The following FIP1L1 variants were observed in gnomAD, a reference collection of about 807,000 sequenced individuals.
FIP1L1 encodes pre-mRNA 3'-end-processing factor FIP1.
Under a neutral mutation model 84.6 loss-of-function variants are expected in FIP1L1, and 21 were observed. The observed-to-expected ratio is 0.25, with a 90% CI of 0.18 to 0.36. FIP1L1 has a LOEUF of 0.36. Ranked by LOEUF, FIP1L1 falls within the 10% of genes least tolerant of loss-of-function variation. The pLI is 1.00. For missense variants in FIP1L1, 526 were observed against 751.1 expected, an observed-to-expected ratio of 0.70 and a Z score of 3.50; for synonymous variants, 263 against 242.3, an observed-to-expected ratio of 1.09 and a Z score of -0.80.
intron 9 of FIP1L1, among the ~76,000 whole-genome samples, chr4:53,398,843 T>G (rs2149477591): frequency 6.6e-6 from 1 of 152,166 alleles, no homozygotes; most frequent in South Asian, 2.1e-4. Flanking sequence ...AGATAGATGG[T>G]TTTAAAATTA....
intron 11 of FIP1L1, among the ~76,000 whole-genome samples, chr4:53,423,953 G>A (rs1763377874): frequency 6.6e-6 from 1 of 152,230 alleles, no homozygotes; most frequent in African/African-American, 2.4e-5. Flanking sequence ...AATGGTAAAA[G>A]ACAGGCTATA....
Position 53,390,445 on chromosome 4 carries a change from A to G in FIP1L1, c.398-76A>G, listed in dbSNP as rs1743657386. ...TGCCAGGAATAGTAAAAAGGTGTTTATATTTTCTGTTTGTCTATGGTATCG... is the reference window on the plus strand; with the variant it reads ...TGCCAGGAATAGTAAAAAGGTGTTTGTATTTTCTGTTTGTCTATGGTATCG... On this transcript the variant is annotated intron_variant, in intron 6 of 17. Transcript: ENST00000337488. The G allele has an allele frequency of 1.4e-5, 12 of 838,608 alleles. No individual in the cohort carries two copies. The South Asian group carries it at 1.8e-4, about 13-fold the overall frequency. 51.9% of individuals were successfully genotyped at this position (838,608 alleles called of 1,614,324 possible). A position where few individuals can be genotyped will look rare whatever the true frequency, so the allele number is the denominator to read the frequency against.
chr4:53,446,151 T>C (rs1774093700), intron 15 of FIP1L1, among the ~76,000 whole-genome samples: 1 of 152,130 alleles, frequency 6.6e-6, no homozygotes, highest in East Asian at 1.9e-4. Context: ...AAGATGGTAT[T>C]TATGTTGACT....
chr4:53,396,761 T>TA (rs1301574850), intron 9 of FIP1L1, among the ~76,000 whole-genome samples: 1 of 152,210 alleles, frequency 6.6e-6, no homozygotes, highest in African/African-American at 2.4e-5. Flanking sequence ...CTCATAAAAT[T>TA]AAAAAATCAT....
intron 10 of FIP1L1, among the ~76,000 whole-genome samples, chr4:53,410,269 C>G (rs1467315068): frequency 4.6e-5 from 7 of 152,246 alleles, no homozygotes; most frequent in Admixed American, 1.3e-4. Flanking sequence ...GAGGCACCCA[C>G]TTAACTGAGC....
chr4:53,384,108 A>G (rs1279248054), intron 5 of FIP1L1, among the ~76,000 whole-genome samples: 1 of 152,212 alleles, frequency 6.6e-6, no homozygotes, highest in Non-Finnish European at 1.5e-5. Flanking sequence ...AAGTGTTTTT[A>G]TAAAAGAATT....
At chr4:53,439,510 GT>G (rs550760016) in intron 13 of FIP1L1, among the ~76,000 whole-genome samples, 445 of 152,026 alleles carry the variant, frequency 2.9e-3, no homozygotes, top group Non-Finnish European at 5.6e-3. Context: ...GTTAGAATAT[GT>G]TTCCTTTGAC....
intron 13 of FIP1L1, among the ~76,000 whole-genome samples, chr4:53,439,615 T>A (rs1338736475): frequency 6.6e-6 from 1 of 152,056 alleles, no homozygotes; most frequent in Non-Finnish European, 1.5e-5. Context: ...ATGCAGTTTT[T>A]AAGATAGGAT....
chr4:53,417,209 T>C (rs1255540837), intron 11 of FIP1L1, among the ~76,000 whole-genome samples: 1 of 152,160 alleles, frequency 6.6e-6, no homozygotes, highest in Non-Finnish European at 1.5e-5. Flanking sequence ...AGCAACTCCA[T>C]CTATACCTAC....
Position 53,459,607 on chromosome 4 carries a change from A to T in FIP1L1, c.*158A>T. 9.9e-7 allele frequency: 1 copy of T among 1,010,532 alleles called. No homozygotes were observed. Among genetic ancestry groups the T allele is most frequent in the Non-Finnish European group, 1.5e-6 (1 of 676,860 alleles). The allele number at this position is 1,010,532 out of a possible 1,614,324, so 62.6% of individuals were successfully genotyped here. A position where few individuals can be genotyped will look rare whatever the true frequency, so the allele number is the denominator to read the frequency against. ...TCCAAAATAAAAGAGTGAATTTTTCATGTTAAGTTAAAAATCTTTGTCTTG... is the reference window on the plus strand; with the variant it reads ...TCCAAAATAAAAGAGTGAATTTTTCTTGTTAAGTTAAAAATCTTTGTCTTG... On this transcript the variant is annotated 3_prime_UTR_variant, in exon 18 of 18. Coordinates refer to ENST00000337488, the MANE Select transcript of FIP1L1 (RefSeq NM_030917.4).
At position 53,452,934 on chromosome 4, in the gene FIP1L1, C is replaced by A; in HGVS notation, c.1300C>A (p.Leu434Ile). Residue 434 changes from leucine (L) to isoleucine (I), a missense_variant, in exon 16 of 18, where the codon CTT becomes ATT. Physicochemically the swap from Leu to Ile is conservative, Grantham distance 5. Coordinates refer to ENST00000337488, the MANE Select transcript of FIP1L1 (RefSeq NM_030917.4). ...TTTTTCTTTAGTTGCCTTTCCCCAT[C>A]TTCCTGGTTCTGCTCCTTCGTGGCC... The part of the protein sequence containing the change: ...FPYGNVAFPH[L>I]PGSAPSWPSL... 1.2e-6 allele frequency: 2 copies of A among 1,612,520 alleles called. No homozygotes were observed. Among genetic ancestry groups the A allele is most frequent in the East Asian group, 4.5e-5 (2 of 44,874 alleles).
In FIP1L1 at chr4:53,444,073, C is replaced by A; in HGVS notation, c.1255C>A (p.Arg419Ser). The change falls in exon 15 of 18, where the codon CGT (arginine) becomes AGT (serine). Residue 419 changes from arginine (R) to serine (S), a missense_variant. By Grantham distance (110) the Arg-to-Ser change is moderately radical. Around this residue, in one of 6 missense-constraint regions of FIP1L1, gnomAD observed 83 missense variants for 93.8 expected, o/e 0.88. Coordinates refer to ENST00000337488, the MANE Select transcript of FIP1L1 (RefSeq NM_030917.4). The stretch of plus-strand genomic sequence containing the variant: ...TGGACATTCCTCTGGTTATGATAGT[C>A]GTTCTGCACGTGCATTTCCATATGG... ...ESGHSSGYDS[R>S]SARAFPYGNV... 1 of 1,606,764 alleles carries A rather than the reference C, an allele frequency of 6.2e-7. No homozygotes were observed. Among genetic ancestry groups the A allele is most frequent in the Non-Finnish European group, 8.5e-7 (1 of 1,173,838 alleles).
chr4:53,404,697 C>T (rs1290198809), intron 10 of FIP1L1, among the ~76,000 whole-genome samples: 4 of 152,088 alleles, frequency 2.6e-5, no homozygotes, highest in East Asian at 1.9e-4. Context: ...TTTTAATGAT[C>T]GCCATTCTAA....
intron 10 of FIP1L1, among the ~76,000 whole-genome samples, chr4:53,409,932 C>G (rs1004915709): frequency 1.3e-4 from 20 of 152,252 alleles, no homozygotes; most frequent in Admixed American, 6.5e-4. Flanking sequence ...TCCCTGACCC[C>G]TTGCGCTTCC....
In FIP1L1 at chr4:53,414,821, T is replaced by A. The variant is rs1758737363; in HGVS notation, c.923+99T>A. On this transcript the variant is annotated intron_variant, in intron 11 of 17. Coordinates refer to ENST00000337488, the MANE Select transcript of FIP1L1 (RefSeq NM_030917.4). Reference sequence around the variant, plus strand: ...TAATAAATTTTGACTGTACCATATTTTTACCCTCCAACTTATGCTTTTTCA... The same window carrying A: ...TAATAAATTTTGACTGTACCATATTATTACCCTCCAACTTATGCTTTTTCA... 18 of 775,386 alleles carry A rather than the reference T, an allele frequency of 2.3e-5. 1 individual carries two copies. The South Asian group carries it at 3.3e-4, about 14-fold the overall frequency. 48.0% of individuals were successfully genotyped at this position (775,386 alleles called of 1,614,324 possible).
chr4:53,460,053 ATAAAT>A lies in FIP1L1; in HGVS notation c.*608_*612del, dbSNP rs907956551. On this transcript the variant is annotated 3_prime_UTR_variant, in exon 18 of 18. Transcript: ENST00000337488. ...AAGGCATCTGGGTGGCCTCTATGAAATAAATTAATTAATTACCCATAGTGTAGTTT... is the reference window on the plus strand; with the variant it reads ...AAGGCATCTGGGTGGCCTCTATGAAATAATTAATTACCCATAGTGTAGTTT... The A allele has an allele frequency of 9.9e-6, 1 of 101,066 alleles. No individual in the cohort carries two copies. The highest frequency in any genetic ancestry group is 5.2e-5 in the African/African-American group (1 of 19,168). The allele number at this position is 101,066 out of a possible 1,614,324, so 6.3% of individuals were successfully genotyped here.
chr4:53,460,005 A>G lies in FIP1L1; in HGVS notation c.*556A>G, dbSNP rs1159485966. 4.8e-6 allele frequency: 1 copy of G among 210,496 alleles called. No individual in the cohort carries two copies. Among genetic ancestry groups the G allele is most frequent in the African/African-American group, 2.3e-5 (1 of 43,950 alleles). The allele number at this position is 210,496 out of a possible 1,614,324, so 13.0% of individuals were successfully genotyped here. A position where few individuals can be genotyped will look rare whatever the true frequency, so the allele number is the denominator to read the frequency against. The stretch of plus-strand genomic sequence containing the variant: ...GTGAAACCAAATGGGGTACACTTTC[A>G]TATCCAAATTAATAAAACCTATAAG... On this transcript the variant is annotated 3_prime_UTR_variant, in exon 18 of 18. Transcript: ENST00000337488.
intron 11 of FIP1L1, among the ~76,000 whole-genome samples, chr4:53,423,402 T>C (rs1242516207): frequency 6.6e-6 from 1 of 152,202 alleles, no homozygotes; most frequent in Non-Finnish European, 1.5e-5. Flanking sequence ...TAAGTTACAG[T>C]AGATTTCCTC....
chr4:53,451,919 T>G (rs1039479123), intron 15 of FIP1L1, among the ~76,000 whole-genome samples: 5 of 151,422 alleles, frequency 3.3e-5, no homozygotes, highest in African/African-American at 1.2e-4. Flanking sequence ...AGCCTCACTG[T>G]GTTGCCCAGT....
Sources: gnomAD v4.1 joint callset for allele counts (sites outside exome capture counted in the v4.1 genomes callset) on GRCh38, gnomAD v4.1.1 for gene constraint, gnomAD v4.1.1 regional missense constraint, MANE v1.5 for transcripts, NCBI Gene and HGNC (gene_info 2026-07-23, HGNC 2026-07-21) for gene names.